The following DCPH1 variants were observed in gnomAD, a reference collection of about 807,000 sequenced individuals.
DCPH1 encodes the protein damage control phosphatase 1, also known as damage-control phosphatase 1.
the DCPH1 span, among the ~76,000 whole-genome samples, chr6:151,467,775 A>G: frequency 1.3e-5 from 2 of 152,192 alleles, no homozygotes; most frequent in Non-Finnish European, 2.9e-5. Context: ...GCTGAATAAG[A>G]TAATTGATTA....
the DCPH1 span, among the ~76,000 whole-genome samples, chr6:151,459,549 T>C: frequency 6.6e-6 from 1 of 152,140 alleles, no homozygotes; most frequent in Non-Finnish European, 1.5e-5. Context: ...CCCAACACTT[T>C]GGGAGGCTAA....
At chr6:151,469,160 T>C in the DCPH1 span, 3 of 1,483,480 alleles carry the variant, frequency 2.0e-6, no homozygotes, top group African/African-American at 4.2e-5. Flanking sequence ...GAGCACCTTT[T>C]CATCCCCAGA....
At chr6:151,456,244 T>C in the DCPH1 span, among the ~76,000 whole-genome samples, 11 of 152,216 alleles carry the variant, frequency 7.2e-5, no homozygotes, top group Non-Finnish European at 1.2e-4. Context: ...TATTACACAA[T>C]AGACTGTAAA....
At chr6:151,467,062 C>T in the DCPH1 span, among the ~76,000 whole-genome samples, 1 of 152,016 alleles carries the variant, frequency 6.6e-6, no homozygotes, top group Non-Finnish European at 1.5e-5. Flanking sequence ...ACCAGCCTGG[C>T]TAACATGGTA....
chr6:151,465,950 G>T, the DCPH1 span, among the ~76,000 whole-genome samples: 3 of 152,276 alleles, frequency 2.0e-5, no homozygotes, highest in Admixed American at 6.5e-5. Context: ...ACAGAGTCTC[G>T]CTCTGTTGCC....
the DCPH1 span, among the ~76,000 whole-genome samples, chr6:151,460,594 G>A: frequency 1.3e-5 from 2 of 151,554 alleles, no homozygotes; most frequent in African/African-American, 4.8e-5. Flanking sequence ...GACCATCCTG[G>A]CCAACATGCT....
chr6:151,462,781 A>G, the DCPH1 span, among the ~76,000 whole-genome samples: 1 of 152,232 alleles, frequency 6.6e-6, no homozygotes, highest in South Asian at 2.1e-4. Context: ...ATGAGAATTT[A>G]TATATAGTTA....
At chr6:151,460,783 CA>C in the DCPH1 span, among the ~76,000 whole-genome samples, 5 of 141,214 alleles carry the variant, frequency 3.5e-5, no homozygotes, top group South Asian at 2.3e-4. Context: ...GACTCTGTCT[CA>C]AAAAAAAAAC....
chr6:151,467,639 T>C, the DCPH1 span, among the ~76,000 whole-genome samples: 1 of 152,178 alleles, frequency 6.6e-6, no homozygotes, highest in African/African-American at 2.4e-5. Flanking sequence ...GATCATAAAC[T>C]GAAGATGCTG....
the DCPH1 span, chr6:151,452,539 G>A: frequency 2.5e-6 from 4 of 1,611,802 alleles, no homozygotes; most frequent in Non-Finnish European, 3.4e-6. Context: ...CGGGATCGCG[G>A]AAAGTGATGG....
chr6:151,461,872 CACGG>C, the DCPH1 span, among the ~76,000 whole-genome samples: 1 of 152,150 alleles, frequency 6.6e-6, no homozygotes, highest in Non-Finnish European at 1.5e-5. Flanking sequence ...GTTGCACAAT[CACGG>C]ATGTAGAACT....
the DCPH1 span, among the ~76,000 whole-genome samples, chr6:151,460,153 T>G: frequency 5.3e-5 from 8 of 152,030 alleles, no homozygotes; most frequent in Admixed American, 5.2e-4. Flanking sequence ...GATCTTGGCT[T>G]ACTACAACCT....
chr6:151,464,336 T>TA, the DCPH1 span: 1 of 587,618 alleles, frequency 1.7e-6, no homozygotes, highest in Non-Finnish European at 2.9e-6. Flanking sequence ...ATAAATGTTA[T>TA]ATCTAGTTTC....
chr6:151,466,947 T>G, the DCPH1 span, among the ~76,000 whole-genome samples: 1 of 152,260 alleles, frequency 6.6e-6, no homozygotes, highest in South Asian at 2.1e-4. Context: ...TTCATTTATC[T>G]CTTTTTAAAA....
chr6:151,457,007 C>T, the DCPH1 span, among the ~76,000 whole-genome samples: 3 of 152,190 alleles, frequency 2.0e-5, no homozygotes, highest in Non-Finnish European at 4.4e-5. Flanking sequence ...TAAATTGACA[C>T]AGATAAAGTC....
At chr6:151,469,040 T>C in the DCPH1 span, 2 of 1,614,054 alleles carry the variant, frequency 1.2e-6, no homozygotes, top group East Asian at 4.5e-5. Flanking sequence ...GGGGAACAGC[T>C]CCTGGCCTCT....
the DCPH1 span, chr6:151,469,604 AC>A: frequency 2.0e-5 from 3 of 152,776 alleles, no homozygotes; most frequent in African/African-American, 7.2e-5. Context: ...GGCATTTCTT[AC>A]AACTGTGATG....
At chr6:151,455,576 G>T in the DCPH1 span, among the ~76,000 whole-genome samples, 1 of 152,210 alleles carries the variant, frequency 6.6e-6, no homozygotes, top group Admixed American at 6.5e-5. Context: ...ATTGCTGCCC[G>T]CATGTCCCAC....
chr6:151,452,550 C>T, the DCPH1 span: 4 of 1,611,862 alleles, frequency 2.5e-6, no homozygotes, highest in Admixed American at 1.7e-5. Flanking sequence ...AAAGTGATGG[C>T]TGTCGTCCCG....
Sources: allele counts gnomAD v4.1 joint callset (sites outside exome capture counted in the v4.1 genomes callset), GRCh38; gene constraint gnomAD v4.1.1; transcripts MANE v1.5; gene names NCBI Gene and HGNC (gene_info 2026-07-23, HGNC 2026-07-21).